NYAP2: variants seen among roughly 807,000 people sequenced by gnomAD.
The protein encoded by NYAP2 is neuronal tyrosine-phosphorylated phosphoinositide-3-kinase adaptor 2, also known as neuronal tyrosine-phosphorylated phosphoinositide-3-kinase adapter 2.
A neutral mutation model predicts 50.4 loss-of-function variants in NYAP2; 23 were observed. The observed-to-expected ratio is 0.46, with a 90% confidence interval of 0.33 to 0.65. The LOEUF is 0.65. NYAP2 is among the 30% of genes least tolerant of loss of function. The pLI is 0.02. For synonymous variants in NYAP2, 394 were observed against 365.2 expected, an observed-to-expected ratio of 1.08 and a Z score of -0.90; for missense variants, 885 against 861.0, an observed-to-expected ratio of 1.03 and a Z score of -0.35.
intron 5 of NYAP2, among the ~76,000 whole-genome samples, chr2:225,621,531 A>G (rs898921229): frequency 1.3e-5 from 2 of 152,148 alleles, no homozygotes; most frequent in Non-Finnish European, 2.9e-5. Context: ...TTGCCAGACA[A>G]AAAGAGCCCT....
chr2:225,625,165 TTAGA>T (rs1436436854), intron 5 of NYAP2, among the ~76,000 whole-genome samples: 5 of 152,094 alleles, frequency 3.3e-5, no homozygotes, highest in Non-Finnish European at 1.5e-5. Flanking sequence ...CTTGTGATTA[TTAGA>T]TAATCAGATT....
intron 4 of NYAP2, among the ~76,000 whole-genome samples, chr2:225,570,244 T>C (rs959010347): frequency 6.6e-6 from 1 of 152,198 alleles, no homozygotes; most frequent in South Asian, 2.1e-4. Context: ...TTTGCCTTGG[T>C]ACAGGTTTGG....
At chr2:225,416,548 A>G (rs887810519) in intron 3 of NYAP2, among the ~76,000 whole-genome samples, 7 of 152,136 alleles carry the variant, frequency 4.6e-5, no homozygotes, top group Admixed American at 3.3e-4. Context: ...TACAATTTAC[A>G]TTATACTTAT....
intron 3 of NYAP2, among the ~76,000 whole-genome samples, chr2:225,481,625 C>G (rs73089781): frequency 0.012 from 1,867 of 152,140 alleles, 42 homozygotes; most frequent in African/African-American, 0.043. Flanking sequence ...TACCTGTGAG[C>G]TACTTCTCTC....
the NYAP2 span, among the ~76,000 whole-genome samples, chr2:225,679,493 G>GTTT: frequency 0.013 from 1,315 of 103,716 alleles, 31 homozygotes; most frequent in African/African-American, 0.013. Context: ...GCTTCTAATT[G>GTTT]TTTTTTTTTT....
chr2:225,518,544 AT>A lies in NYAP2; in HGVS notation c.523+4873del, dbSNP rs1559202463. Among the ~76,000 whole-genome samples, 391 of 71,026 alleles carry A rather than the reference AT, an allele frequency of 5.5e-3. 36 individuals carry two copies. Among genetic ancestry groups the A allele is most frequent in the Middle Eastern group, 0.042 (6 of 142 alleles). The allele number at this position is 71,026 out of a possible 152,430, so 46.6% of individuals were successfully genotyped here. ...CTAATATATATATATATATATATATATATATATATATATATATATATATATT... is the reference window on the plus strand; with the variant it reads ...CTAATATATATATATATATATATATAATATATATATATATATATATATATT... On this transcript the variant is annotated intron_variant, in intron 4 of 6. Coordinates refer to ENST00000636099, the Ensembl canonical transcript of NYAP2.
intron 3 of NYAP2, among the ~76,000 whole-genome samples, chr2:225,472,950 C>A (rs1559189194): frequency 1.3e-5 from 2 of 152,150 alleles, no homozygotes; most frequent in African/African-American, 4.8e-5. Flanking sequence ...TAATGCTATC[C>A]TTCCCCACTC....
At chr2:225,665,596 A>T in the NYAP2 span, among the ~76,000 whole-genome samples, 1 of 151,254 alleles carries the variant, frequency 6.6e-6, no homozygotes, top group African/African-American at 2.4e-5. Flanking sequence ...GACCAAAAAA[A>T]AAAAGAGTTG....
chr2:225,681,089 C>T, the NYAP2 span, among the ~76,000 whole-genome samples: 1 of 152,084 alleles, frequency 6.6e-6, no homozygotes, highest in African/African-American at 2.4e-5. Context: ...TGCTTTTTTC[C>T]TTAAAAAATG....
At chr2:225,496,349 G>A (rs1574643746) in intron 3 of NYAP2, among the ~76,000 whole-genome samples, 1 of 152,156 alleles carries the variant, frequency 6.6e-6, no homozygotes, top group Non-Finnish European at 1.5e-5. Flanking sequence ...TCAAGAAAGT[G>A]TGTGGCCAGG....
chr2:225,527,059 C>A (rs1184442288), intron 4 of NYAP2, among the ~76,000 whole-genome samples: 3 of 152,150 alleles, frequency 2.0e-5, no homozygotes, highest in Admixed American at 6.6e-5. Context: ...TGCAATGCAT[C>A]TTTCTCTCGG....
At chr2:225,686,933 C>T in the NYAP2 span, among the ~76,000 whole-genome samples, 1 of 152,130 alleles carries the variant, frequency 6.6e-6, no homozygotes. Context: ...TCTTATCTTC[C>T]AGCAGCAAAC....
At chr2:225,516,647 G>T (rs185346632) in intron 4 of NYAP2, among the ~76,000 whole-genome samples, 1 of 152,106 alleles carries the variant, frequency 6.6e-6, no homozygotes, top group African/African-American at 2.4e-5. Flanking sequence ...TAAAGACAGG[G>T]CTCAATTCAG....
At chr2:225,590,655 G>A (rs988874623) in intron 5 of NYAP2, among the ~76,000 whole-genome samples, 2 of 152,282 alleles carry the variant, frequency 1.3e-5, no homozygotes, top group East Asian at 1.9e-4. Flanking sequence ...GATAATTTAT[G>A]TAAGCAAAGG....
chr2:225,567,619 T>C, intron 4 of NYAP2, among the ~76,000 whole-genome samples: 1 of 150,784 alleles, frequency 6.6e-6, no homozygotes, highest in East Asian at 2.0e-4. Context: ...GGGCAGAGGG[T>C]GGGGCAAGAA....
intron 6 of NYAP2, among the ~76,000 whole-genome samples, chr2:225,642,589 G>C (rs1333604419): frequency 6.6e-6 from 1 of 152,048 alleles, no homozygotes; most frequent in Non-Finnish European, 1.5e-5. Context: ...AAGTATGAAA[G>C]CCACTCTCAT....
chr2:225,674,590 G>A, the NYAP2 span, among the ~76,000 whole-genome samples: 2 of 152,020 alleles, frequency 1.3e-5, no homozygotes, highest in East Asian at 1.9e-4. Flanking sequence ...CAGGAAAACT[G>A]CCCTCAATCC....
intron 3 of NYAP2, among the ~76,000 whole-genome samples, chr2:225,488,875 A>G (rs1377789187): frequency 6.6e-6 from 1 of 152,190 alleles, no homozygotes. Context: ...TGATTTTATT[A>G]GTAATATTGA....
chr2:225,500,123 A>T (rs1690579975), intron 3 of NYAP2, among the ~76,000 whole-genome samples: 2 of 152,144 alleles, frequency 1.3e-5, no homozygotes, highest in Non-Finnish European at 2.9e-5. Context: ...TGTAGAGGAG[A>T]AAGACCCAGG....
Sources: allele counts gnomAD v4.1 joint callset (sites outside exome capture counted in the v4.1 genomes callset), GRCh38; gene constraint gnomAD v4.1.1; transcripts MANE v1.5; gene names NCBI Gene and HGNC (gene_info 2026-07-23, HGNC 2026-07-21).